The following WDR47 variants were observed in gnomAD, a reference collection of about 807,000 sequenced individuals.
WDR47 encodes the protein WD repeat domain 47.
In WDR47, 32 loss-of-function variants were observed where a neutral mutation model predicts 97.2. The observed-to-expected ratio is 0.33, with a 90% CI of 0.25 to 0.44. WDR47 has a LOEUF of 0.44. WDR47 is among the 20% of genes least tolerant of loss of function. WDR47 has a pLI of 1.00. For synonymous variants in WDR47, 375 were observed against 373.5 expected (o/e 1.00, Z -0.05); for missense variants, 782 against 1,102.3 (o/e 0.71, Z 4.11).
chr1:109,019,140 T>C (rs767225223), intron 2 of WDR47, among the ~76,000 whole-genome samples: 2 of 151,920 alleles, frequency 1.3e-5, no homozygotes, highest in Non-Finnish European at 2.9e-5. Flanking sequence ...GTCAGCATTT[T>C]TGGAGGCCGA....
At chr1:109,012,231 G>C (rs1334492129) in intron 4 of WDR47, among the ~76,000 whole-genome samples, 1 of 152,066 alleles carries the variant, frequency 6.6e-6, no homozygotes, top group Non-Finnish European at 1.5e-5. Flanking sequence ...AAAGGCAAAA[G>C]AGCCACTCTG....
Position 109,011,436 on chromosome 1 carries a change from A to G in WDR47, c.610T>C (p.Tyr204His). 1 of 1,614,212 alleles carries G rather than the reference A, an allele frequency of 6.2e-7. No individual in the cohort carries two copies. The highest frequency in any genetic ancestry group is 8.5e-7 in the Non-Finnish European group (1 of 1,180,040). The change falls in exon 5 of 15, where the codon TAT becomes CAT. Residue 204 changes from tyrosine (Y) to histidine (H), a missense_variant. By Grantham distance (83) the Tyr-to-His change is moderately conservative (BLOSUM62 2). Coordinates refer to ENST00000369962, the MANE Select transcript of WDR47 (RefSeq NM_001142551.2). The stretch of plus-strand genomic sequence containing the variant: ...TGACAAAATTCTACACAGCATTCAT[A>G]AAGCAGGCCTTTCATTACAAGCTGA... The part of the protein sequence containing the change: ...LFQLVMKGLL[Y>H]ECCVEFCQSK...
intron 13 of WDR47, among the ~76,000 whole-genome samples, chr1:108,979,245 A>C (rs762132288): frequency 1.3e-5 from 2 of 152,244 alleles, no homozygotes; most frequent in Admixed American, 6.5e-5. Flanking sequence ...CAAACAAACA[A>C]ACACAATTAT....
intron 6 of WDR47, among the ~76,000 whole-genome samples, chr1:109,004,358 T>C (rs1047170613): frequency 1.3e-5 from 2 of 152,062 alleles, no homozygotes; most frequent in African/African-American, 4.8e-5. Context: ...TCACCAGTAA[T>C]ATTTTAGATT....
intron 13 of WDR47, among the ~76,000 whole-genome samples, chr1:108,981,532 G>T (rs1658348519): frequency 1.3e-5 from 2 of 152,124 alleles, no homozygotes; most frequent in South Asian, 4.1e-4. Context: ...ATCTCCCTGG[G>T]CCTTGGTTCC....
intron 13 of WDR47, among the ~76,000 whole-genome samples, chr1:108,980,540 C>G (rs1049627789): frequency 2.6e-5 from 4 of 151,776 alleles, no homozygotes; most frequent in Non-Finnish European, 5.9e-5. Flanking sequence ...ACCAGCCTGG[C>G]CAATATGGTG....
At chr1:108,983,901 C>T (rs1658555492) in intron 10 of WDR47, among the ~76,000 whole-genome samples, 2 of 152,254 alleles carry the variant, frequency 1.3e-5, no homozygotes, top group East Asian at 3.9e-4. Context: ...AAATCTGGTA[C>T]AGGTAGATAT....
intron 1 of WDR47, among the ~76,000 whole-genome samples, chr1:109,030,757 TA>T (rs35274764): frequency 0.74 from 83,809 of 113,204 alleles, 33,875 homozygotes; most frequent in East Asian, 0.93. Context: ...TCTTTTCCTT[TA>T]AAAAAAAAAA....
chr1:108,985,533 T>A (rs910030095), intron 10 of WDR47, among the ~76,000 whole-genome samples: 3 of 152,220 alleles, frequency 2.0e-5, no homozygotes, highest in African/African-American at 7.2e-5. Flanking sequence ...ATTTGCATTA[T>A]ATCCATCTTC....
intron 10 of WDR47, 54 bp downstream of exon 10, chr1:108,986,469 A>G: frequency 6.7e-7 from 1 of 1,501,344 alleles, no homozygotes; most frequent in Non-Finnish European, 8.9e-7. Context: ...AGGAACCTAT[A>G]CGGCTAAATT....
chr1:109,022,082 A>T (rs931682759), intron 2 of WDR47, among the ~76,000 whole-genome samples: 7 of 152,130 alleles, frequency 4.6e-5, no homozygotes, highest in Admixed American at 2.6e-4. Flanking sequence ...TCCTGACCTC[A>T]GGTGATCCGC....
intron 1 of WDR47, among the ~76,000 whole-genome samples, chr1:109,029,671 CTAAA>C (rs112161424): frequency 0.21 from 28,751 of 140,130 alleles, 3,207 homozygotes; most frequent in African/African-American, 0.29. Flanking sequence ...GACTCTGTCT[CTAAA>C]TAAATAAATA....
intron 2 of WDR47, among the ~76,000 whole-genome samples, 196 bp downstream of exon 2, chr1:109,023,159 C>T (rs1661971848): frequency 1.3e-5 from 2 of 151,856 alleles, no homozygotes; most frequent in Admixed American, 6.5e-5. Context: ...GCCGACATCT[C>T]GCCACTGCAC....
At chr1:109,024,359 G>A (rs1164545027) in intron 1 of WDR47, among the ~76,000 whole-genome samples, 1 of 152,030 alleles carries the variant, frequency 6.6e-6, no homozygotes, top group African/African-American at 2.4e-5. Context: ...AGGCTGAGGT[G>A]GGAGGATCGC....
chr1:109,004,040 G>C (rs1049400935), intron 6 of WDR47, among the ~76,000 whole-genome samples: 2 of 152,010 alleles, frequency 1.3e-5, no homozygotes, highest in Non-Finnish European at 2.9e-5. Flanking sequence ...CGAGGTGGGC[G>C]GATCACGAGG....
intron 4 of WDR47, 45 bp from the exon 5 acceptor site, chr1:109,011,763 T>G (rs1661049997): frequency 6.7e-7 from 1 of 1,503,670 alleles, no homozygotes. Flanking sequence ...ATAAAAAACA[T>G]GCTATGAAAT....
intron 5 of WDR47, among the ~76,000 whole-genome samples, chr1:109,008,722 G>A (rs1034469464): frequency 1.3e-5 from 2 of 151,862 alleles, no homozygotes; most frequent in Non-Finnish European, 2.9e-5. Flanking sequence ...ATTCTCCTGC[G>A]TCAGCCTCCT....
chr1:109,012,481 G>A (rs1250111717), intron 4 of WDR47, among the ~76,000 whole-genome samples: 1 of 145,038 alleles, frequency 6.9e-6, no homozygotes, highest in Non-Finnish European at 1.5e-5. Context: ...GCTGAGGCAG[G>A]AGAATTGCTT....
At position 108,982,566 on chromosome 1, in the gene WDR47, T is replaced by C. The variant is rs572671867; in HGVS notation, c.2266+43A>G. 33 of 1,547,994 alleles carry C rather than the reference T, an allele frequency of 2.1e-5. No homozygotes were observed. In the African/African-American group the frequency reaches 3.5e-4, roughly 16 times the overall value. On this transcript the variant is annotated intron_variant, in intron 12 of 14. Transcript: ENST00000369962. ...TGCAGAGAGGAAAAAAAAGCACAGA[T>C]TGAACAAAAAGAAAAACAGCACTTG...
Sources: gnomAD v4.1 joint callset for allele counts (sites outside exome capture counted in the v4.1 genomes callset) on GRCh38, gnomAD v4.1.1 for gene constraint, MANE v1.5 for transcripts, NCBI Gene and HGNC (gene_info 2026-07-23, HGNC 2026-07-21) for gene names.